The following IKZF1 variants were observed in gnomAD, a reference collection of about 807,000 sequenced individuals.
IKZF1 encodes the protein DNA-binding protein Ikaros.
In IKZF1, 10 loss-of-function variants were observed where a neutral mutation model predicts 51.7. The observed-to-expected ratio is 0.19, with a 90% confidence interval of 0.12 to 0.33. The LOEUF (loss-of-function observed/expected upper bound fraction) is 0.33, where lower values mean the gene tolerates loss of function less well. Among genes scored for constraint, IKZF1 ranks in the 10% least tolerant of loss-of-function variants. The probability of loss-of-function intolerance (pLI) is 1.00; values close to 1 mark genes in which losing one functional copy is unlikely to be tolerated. For missense variants in IKZF1, 484 were observed against 707.5 expected (o/e 0.68, Z 3.58); for synonymous variants, 280 against 282.3 (o/e 0.99, Z 0.08).
rs1797531313 is a variant in IKZF1 at position 50,335,543 on chromosome 7, G to A, written c.160+7786G>A. 2.7e-5 allele frequency among the ~76,000 whole-genome samples: 4 copies of A among 149,536 alleles called. No homozygotes were observed. In the South Asian group the frequency reaches 8.5e-4, roughly 32 times the overall value. The stretch of plus-strand genomic sequence containing the variant: ...GGTGTGTGGTGCATAGTGTGTATGT[G>A]TGTATGGGATGTGTGGTGTGTGGTG... On this transcript the variant is annotated intron_variant, in intron 3 of 7. Coordinates refer to ENST00000331340, the MANE Select transcript of IKZF1 (RefSeq NM_006060.6).
intron 4 of IKZF1, among the ~76,000 whole-genome samples, chr7:50,381,732 A>G (rs55747400): frequency 0.063 from 9,533 of 152,350 alleles, 363 homozygotes; most frequent in South Asian, 0.14. Flanking sequence ...TAGACAAATA[A>G]TAGCTTAAAT....
At chr7:50,319,366 T>A (rs1032659505) in intron 2 of IKZF1, among the ~76,000 whole-genome samples, 2 of 152,126 alleles carry the variant, frequency 1.3e-5, no homozygotes, top group African/African-American at 4.8e-5. Context: ...ATTTTTGTAC[T>A]GTTGGAAGGA....
intron 3 of IKZF1, among the ~76,000 whole-genome samples, chr7:50,335,939 C>T (rs1797672359): frequency 1.3e-5 from 2 of 151,966 alleles, no homozygotes; most frequent in Admixed American, 1.3e-4. Context: ...GCCCCCTCAC[C>T]CGATCCTGGC....
In IKZF1 at chr7:50,400,249, C is replaced by T; in HGVS notation, c.1182C>T (p.Cys394=). The part of the protein sequence containing the change: ...SEREASPSNS[C]QDSTDTESNN... ...GCGAGGCGTCCCCGAGCAACAGCTG[C>T]CAAGACTCCACGGACACCGAGAGCA... The change falls in exon 8 of 8, where the codon TGC becomes TGT. Residue 394 remains cysteine, a synonymous_variant. Coordinates refer to ENST00000331340, the MANE Select transcript of IKZF1 (RefSeq NM_006060.6). The surrounding 1 kb of genome is among the most constrained non-coding windows in gnomAD (Gnocchi z 5.4). The T allele has an allele frequency of 6.2e-7, 1 of 1,610,574 alleles. No individual in the cohort carries two copies. The highest frequency in any genetic ancestry group is 8.5e-7 in the Non-Finnish European group (1 of 1,178,852).
intron 3 of IKZF1, among the ~76,000 whole-genome samples, chr7:50,356,737 A>T (rs183026381): frequency 6.6e-6 from 1 of 151,894 alleles, no homozygotes; most frequent in Admixed American, 6.5e-5. Context: ...ATATTTCATT[A>T]TTTGCTCTTG....
rs1818243248 is a variant in IKZF1 at position 50,402,157 on chromosome 7, A to T, written c.*1530A>T. 8.7e-6 allele frequency: 2 copies of T among 230,552 alleles called. No homozygotes were observed. Among genetic ancestry groups the T allele is most frequent in the Admixed American group, 1.1e-4 (2 of 17,690 alleles). 14.3% of individuals were successfully genotyped at this position (230,552 alleles called of 1,614,324 possible). ...TCCTTCAAGATTAATGCTATCAATC[A>T]TTAAGGTCATTACTCTCAACCACCT... On this transcript the variant is annotated 3_prime_UTR_variant, in exon 8 of 8. Coordinates refer to ENST00000331340, the MANE Select transcript of IKZF1 (RefSeq NM_006060.6).
intron 2 of IKZF1, among the ~76,000 whole-genome samples, chr7:50,320,777 A>T (rs978249726): frequency 6.6e-6 from 1 of 152,234 alleles, no homozygotes; most frequent in Admixed American, 6.5e-5. Context: ...ATCTATATAA[A>T]CAAAAATGGT....
intron 3 of IKZF1, among the ~76,000 whole-genome samples, chr7:50,348,643 CA>C (rs1408281830): frequency 6.6e-6 from 1 of 152,174 alleles, no homozygotes; most frequent in Non-Finnish European, 1.5e-5. Context: ...AGTGAACCAC[CA>C]TGCCAGATAT....
chr7:50,369,233 A>G (rs1328845943), intron 3 of IKZF1: 1 of 325,556 alleles, frequency 3.1e-6, no homozygotes, highest in Non-Finnish European at 5.5e-6. Context: ...GAAGAATCAT[A>G]TTGTTGAAGT....
chr7:50,355,619 GAATAAATA>G lies in IKZF1; in HGVS notation c.161-20886_161-20879del, dbSNP rs57903869. ...TCCAAAGTTTAATGTGTTAGCTTGC[GAATAAATA>G]AATAAATAAATAAATAAATAAATAA... On this transcript the variant is annotated intron_variant, in intron 3 of 7. Transcript: ENST00000331340. Among the ~76,000 whole-genome samples the G allele has an allele frequency of 2.4e-3, 350 of 147,506 alleles. 3 individuals are homozygous for G. Among genetic ancestry groups the G allele is most frequent in the African/African-American group, 7.6e-3 (305 of 40,114 alleles).
At chr7:50,368,482 T>A in intron 3 of IKZF1, 1 of 602,818 alleles carries the variant, frequency 1.7e-6, no homozygotes, top group Non-Finnish European at 2.9e-6. Context: ...GAAGGAGATA[T>A]GCTCTTCATC....
intron 6 of IKZF1, among the ~76,000 whole-genome samples, chr7:50,389,098 G>A (rs1017610901): frequency 1.3e-5 from 2 of 152,210 alleles, no homozygotes; most frequent in Admixed American, 1.3e-4. Flanking sequence ...CGGGGGAGCA[G>A]GAGAAGCAGC....
chr7:50,307,942 G>T (rs186618709), intron 1 of IKZF1, among the ~76,000 whole-genome samples: 1 of 152,158 alleles, frequency 6.6e-6, no homozygotes, highest in African/African-American at 2.4e-5. Flanking sequence ...ACTCATGCTG[G>T]TGTCTTCATG....
At chr7:50,386,927 G>C (rs1281404152) in intron 5 of IKZF1, among the ~76,000 whole-genome samples, 1 of 152,188 alleles carries the variant, frequency 6.6e-6, no homozygotes, top group Non-Finnish European at 1.5e-5. Flanking sequence ...GACAGATCCA[G>C]CCCACAGCAT....
At chr7:50,362,478 T>C (rs748827414) in intron 3 of IKZF1, among the ~76,000 whole-genome samples, 9 of 152,174 alleles carry the variant, frequency 5.9e-5, no homozygotes, top group South Asian at 2.1e-4. Flanking sequence ...CTGGGAAACA[T>C]GGTGAATGTT....
chr7:50,383,818 G>T (rs775580711), intron 5 of IKZF1, among the ~76,000 whole-genome samples: 1 of 152,236 alleles, frequency 6.6e-6, no homozygotes, highest in African/African-American at 2.4e-5. Flanking sequence ...GGAGGCAGAC[G>T]TGTGTTCTTT....
chr7:50,378,653 G>A (rs1321389940), intron 4 of IKZF1, among the ~76,000 whole-genome samples: 1 of 152,184 alleles, frequency 6.6e-6, no homozygotes, highest in Admixed American at 6.5e-5. Flanking sequence ...GAATAAACCT[G>A]CCAAGTACAG....
intron 2 of IKZF1, among the ~76,000 whole-genome samples, chr7:50,324,537 G>T (rs1034579077): frequency 1.3e-5 from 2 of 151,942 alleles, no homozygotes; most frequent in Non-Finnish European, 2.9e-5. Context: ...CTGACCCATG[G>T]TATTTTAGAA....
chr7:50,391,911 T>C (rs767276382), intron 7 of IKZF1, 48 bp downstream of exon 7: 5 of 1,568,508 alleles, frequency 3.2e-6, no homozygotes, highest in Non-Finnish European at 4.3e-6. Context: ...TATGTGGGTG[T>C]TTTAGATGCA....
Sources: gnomAD v4.1 joint callset for allele counts (sites outside exome capture counted in the v4.1 genomes callset) on GRCh38, gnomAD v4.1.1 for gene constraint, Gnocchi (gnomAD v3.1) non-coding constraint, MANE v1.5 for transcripts, NCBI Gene and HGNC (gene_info 2026-07-23, HGNC 2026-07-21) for gene names.